Variants in FBRS observed in about 807,000 individuals in gnomAD.
The protein encoded by FBRS is probable fibrosin-1.
FBRS carries 15 observed loss-of-function variants against 86.1 expected under a neutral mutation model. The observed-to-expected ratio is 0.17, with a 90% CI of 0.12 to 0.27. The LOEUF is 0.27. Ranked by LOEUF, FBRS falls within the 10% of genes least tolerant of loss-of-function variation. The pLI, the probability that FBRS is intolerant of heterozygous loss-of-function variation, is 1.00. For missense variants in FBRS, 1,367 were observed against 1,301.6 expected, an observed-to-expected ratio of 1.05 and a Z score of -0.77; for synonymous variants, 666 against 575.8, an observed-to-expected ratio of 1.16 and a Z score of -2.24.
chr16:30,666,953 T>G lies in FBRS; in HGVS notation c.1838T>G (p.Val613Gly). ...PGKWCAMHVR[V>G]AYMILRHQEK... ...AAGTGGTGTGCCATGCACGTGCGTG[T>G]GGCTTACATGATCCTGAGACACCAG... Residue 613 changes from valine (V) to glycine (G), a missense_variant, in exon 13 of 18, where the codon GTG becomes GGG. Transcript: ENST00000356166. 6.2e-7 allele frequency: 1 copy of G among 1,612,496 alleles called. No individual in the cohort carries two copies. The highest frequency in any genetic ancestry group is 2.2e-5 in the East Asian group (1 of 44,844).
rs2052584261 is a variant in FBRS at position 30,670,507 on chromosome 16, C to T, written c.*862C>T. On this transcript the variant is annotated 3_prime_UTR_variant, in exon 18 of 18. Transcript: ENST00000356166. ...CAAGTGCCCCCAGGACTCCTGGGCC[C>T]TGCTTCCCTGAACCCTGTTCTCCAA... is the stretch of plus-strand genomic sequence containing the variant. 9.9e-6 allele frequency: 3 copies of T among 303,774 alleles called. No homozygotes were observed. The highest frequency in any genetic ancestry group is 5.4e-5 in the South Asian group (2 of 37,288). The allele number at this position is 303,774 out of a possible 1,614,324, so 18.8% of individuals were successfully genotyped here. A position where few individuals can be genotyped will look rare whatever the true frequency, so the allele number is the denominator to read the frequency against.
chr16:30,664,423 T>G lies in FBRS; in HGVS notation c.1264T>G (p.Ser422Ala). The change falls in exon 7 of 18, where the codon TCC becomes GCC. Residue 422 changes from serine to alanine, a missense_variant. Around this residue, in one of 3 missense-constraint regions of FBRS, gnomAD observed 702 missense variants for 598.7 expected, o/e 1.17. Transcript: ENST00000356166. Reference protein sequence around the residue: ...LRPPPPPHHPSLFSPGPTLPP... With the variant: ...LRPPPPPHHPALFSPGPTLPP... Reference sequence around the variant, plus strand: ...GCCCCCCCCACCACCCCACCACCCCTCCTTGTTCTCCCCTGGCCCCACCCT... The same window carrying G: ...GCCCCCCCCACCACCCCACCACCCCGCCTTGTTCTCCCCTGGCCCCACCCT... 2.5e-6 allele frequency: 1 copy of G among 393,890 alleles called. No homozygotes were observed. The allele number at this position is 393,890 out of a possible 1,614,324, so 24.4% of individuals were successfully genotyped here.
In FBRS at chr16:30,666,526, C is replaced by T; in HGVS notation, c.1788C>T (p.Phe596=). 6.2e-7 allele frequency: 1 copy of T among 1,614,008 alleles called. No individual in the cohort carries two copies. The highest frequency in any genetic ancestry group is 8.5e-7 in the Non-Finnish European group (1 of 1,179,896). Residue 596 remains phenylalanine, a synonymous_variant, in exon 12 of 18, where the codon TTC becomes TTT. Transcript: ENST00000356166. ...SQKGTQIPDH[F]RPPLRKPGKW... ...GCCATCCCCAGATCCCCGACCATTT[C>T]CGGCCACCTTTGAGGGTGAGTTGTG...
At position 30,666,541 on chromosome 16, in the gene FBRS, G is replaced by A. The variant is rs752890806; in HGVS notation, c.1803G>A (p.Arg601=). The change falls in exon 12 of 18, where the codon AGG becomes AGA. Residue 601 remains arginine, a splice_region_variant and synonymous_variant. Transcript: ENST00000356166. The part of the protein sequence containing the change: ...QIPDHFRPPL[R]KPGKWCAMHV... The stretch of plus-strand genomic sequence containing the variant: ...CCGACCATTTCCGGCCACCTTTGAG[G>A]GTGAGTTGTGTGAGGACCTCAGGCT... 6.2e-7 allele frequency: 1 copy of A among 1,614,014 alleles called. No homozygotes were observed. The highest frequency in any genetic ancestry group is 1.1e-5 in the South Asian group (1 of 91,082).
Position 30,658,534 on chromosome 16 carries a change from G to A in FBRS, c.-985G>A, listed in dbSNP as rs1229874285. 1 of 152,590 alleles carries A rather than the reference G, an allele frequency of 6.6e-6. No individual in the cohort carries two copies. Among genetic ancestry groups the A allele is most frequent in the Non-Finnish European group, 1.5e-5 (1 of 68,276 alleles). The allele number at this position is 152,590 out of a possible 1,614,324, so 9.5% of individuals were successfully genotyped here. A position where few individuals can be genotyped will look rare whatever the true frequency, so the allele number is the denominator to read the frequency against. Reference sequence around the variant, plus strand: ...TCCAAAGGAGACAACAGGAGTTTGTGCTGGAGCTCCCCCGCTGCCCATCGG... The same window carrying A: ...TCCAAAGGAGACAACAGGAGTTTGTACTGGAGCTCCCCCGCTGCCCATCGG... On this transcript the variant is annotated 5_prime_UTR_variant, in exon 1 of 18. Coordinates refer to ENST00000356166, the MANE Select transcript of FBRS (RefSeq NM_001105079.3).
In FBRS at chr16:30,658,923, C is replaced by CAAG. The variant is rs1188491155; in HGVS notation, c.-592_-590dup. The CAAG allele has an allele frequency of 1.3e-5, 2 of 152,236 alleles. No individual in the cohort carries two copies. Among genetic ancestry groups the CAAG allele is most frequent in the African/African-American group, 4.8e-5 (2 of 41,440 alleles). 9.4% of individuals were successfully genotyped at this position (152,236 alleles called of 1,614,324 possible). The stretch of plus-strand genomic sequence containing the variant: ...TCTTTACGTCCTCCTCCCCCACACA[C>CAAG]AAGAAGTCTTTTAAATTCAACTTAA... On this transcript the variant is annotated 5_prime_UTR_variant, in exon 1 of 18. Coordinates refer to ENST00000356166, the MANE Select transcript of FBRS (RefSeq NM_001105079.3).
chr16:30,660,235 T>G (rs986742664), intron 1 of FBRS, 28 bp from the exon 2 acceptor site: 70 of 1,334,500 alleles, frequency 5.2e-5, no homozygotes, highest in Non-Finnish European at 6.4e-5. Flanking sequence ...CTTTTCCATC[T>G]ATCTCAGCCC....
chr16:30,664,440 C>G lies in FBRS; in HGVS notation c.1281C>G (p.Gly427=), dbSNP rs2052497748. 11 of 1,222,296 alleles carry G rather than the reference C, an allele frequency of 9.0e-6. No individual in the cohort carries two copies. Among genetic ancestry groups the G allele is most frequent in the Non-Finnish European group, 1.2e-5 (11 of 924,796 alleles). The allele number at this position is 1,222,296 out of a possible 1,614,324, so 75.7% of individuals were successfully genotyped here. A position where few individuals can be genotyped will look rare whatever the true frequency, so the allele number is the denominator to read the frequency against. The change falls in exon 7 of 18, where the codon GGC becomes GGG. Residue 427 remains glycine, a synonymous_variant. Coordinates refer to ENST00000356166, the MANE Select transcript of FBRS (RefSeq NM_001105079.3). The part of the protein sequence containing the change: ...PPHHPSLFSP[G]PTLPPPPPLL... ...ACCACCCCTCCTTGTTCTCCCCTGGCCCCACCCTGCCCCCACCCCCACCCC... is the reference window on the plus strand; with the variant it reads ...ACCACCCCTCCTTGTTCTCCCCTGGGCCCACCCTGCCCCCACCCCCACCCC...
chr16:30,667,468 G>C, intron 14 of FBRS, 31 bp downstream of exon 14: 4 of 1,521,046 alleles, frequency 2.6e-6, no homozygotes, highest in Non-Finnish European at 3.5e-6. Context: ...CGGGCCTGAG[G>C]TTCCCTGTCT....
In FBRS at chr16:30,660,375, A is replaced by T; in HGVS notation, c.572A>T (p.Asp191Val). The part of the protein sequence containing the change: ...GATGEPGDSS[D>V]REPGRPPGDR... Reference sequence around the variant, plus strand: ...ACCGGGGAGCCAGGGGACAGCTCTGATCGAGAGCCTGGCCGGCCCCCTGGG... The same window carrying T: ...ACCGGGGAGCCAGGGGACAGCTCTGTTCGAGAGCCTGGCCGGCCCCCTGGG... The change falls in exon 2 of 18, where the codon GAT (aspartate) becomes GTT (valine). Residue 191 changes from aspartate (D) to valine (V), a missense_variant. By Grantham distance (152) the Asp-to-Val change is radical. Transcript: ENST00000356166. The T allele has an allele frequency of 7.9e-7, 1 of 1,268,894 alleles. No individual in the cohort carries two copies. Among genetic ancestry groups the T allele is most frequent in the Non-Finnish European group, 1.0e-6 (1 of 997,908 alleles). 78.6% of individuals were successfully genotyped at this position (1,268,894 alleles called of 1,614,324 possible).
chr16:30,661,092 A>AG (rs2052454563), intron 2 of FBRS, 88 bp from the exon 3 acceptor site: 1 of 1,541,820 alleles, frequency 6.5e-7, no homozygotes, highest in African/African-American at 1.4e-5. Context: ...TAGATCCTGG[A>AG]GGCCCATGAG....
At chr16:30,668,735 C>T (rs1212059543) in intron 16 of FBRS, 37 bp from the exon 17 acceptor site, 1 of 1,587,996 alleles carries the variant, frequency 6.3e-7, no homozygotes, top group African/African-American at 1.3e-5. Context: ...CCTCCCACTT[C>T]TGGCCCCTGT....
Position 30,659,632 on chromosome 16 carries a change from T to C in FBRS, c.114T>C (p.Gly38=). The C allele has an allele frequency of 4.7e-6, 2 of 421,294 alleles. No homozygotes were observed. The highest frequency in any genetic ancestry group is 8.2e-6 in the Non-Finnish European group (2 of 244,024). The allele number at this position is 421,294 out of a possible 1,614,324, so 26.1% of individuals were successfully genotyped here. Residue 38 remains glycine (G), a synonymous_variant, in exon 1 of 18, where the codon GGT becomes GGC. Transcript: ENST00000356166. ...ACCGGGAGCAGCGGCGCCGCCGAGG[T>C]CCAGGCGGCGACGCGCCCCGGGCCC... ...DRDREQRRRR[G]PGGDAPRALL... is the part of the protein sequence containing the mutation.
chr16:30,662,368 G>A (rs2052471651), intron 4 of FBRS, 52 bp from the exon 5 acceptor site: 2 of 1,549,020 alleles, frequency 1.3e-6, no homozygotes, highest in Non-Finnish European at 1.7e-6. Flanking sequence ...CTTCCTGGGT[G>A]GAGGCCTGGC....
chr16:30,660,636 T>G (rs2052448583), intron 2 of FBRS, 194 bp downstream of exon 2: 2 of 901,676 alleles, frequency 2.2e-6, no homozygotes, highest in African/African-American at 3.5e-5. Context: ...TCCTTTTGCC[T>G]GGTTCTGTGT....
At position 30,670,617 on chromosome 16, in the gene FBRS, A is replaced by G. The variant is rs755612532; in HGVS notation, c.*972A>G. 39 of 160,402 alleles carry G rather than the reference A, an allele frequency of 2.4e-4. No individual in the cohort carries two copies. The highest frequency in any genetic ancestry group is 4.2e-4 in the Non-Finnish European group (30 of 71,762). The allele number at this position is 160,402 out of a possible 1,614,324, so 9.9% of individuals were successfully genotyped here. Reference sequence around the variant, plus strand: ...GGGGGTCGGCCCAGGGGTGGGCGACACAGGCAGCTTCTTCGGCAGCCTCAC... The same window carrying G: ...GGGGGTCGGCCCAGGGGTGGGCGACGCAGGCAGCTTCTTCGGCAGCCTCAC... On this transcript the variant is annotated 3_prime_UTR_variant, in exon 18 of 18. Coordinates refer to ENST00000356166, the MANE Select transcript of FBRS (RefSeq NM_001105079.3).
Position 30,668,987 on chromosome 16 carries a change from T to TTCCCCCCCCC in FBRS, c.2366+8_2366+9insTCCCCCCCCC. On this transcript the variant is annotated intron_variant, in intron 17 of 17. Coordinates refer to ENST00000356166, the MANE Select transcript of FBRS (RefSeq NM_001105079.3). ...CAAGGAGGAGAAGGACAGGTGTGCC[T>TTCCCCCCCCC]CCCACCCACCCTGCCCCTGCCCCAC... The TTCCCCCCCCC allele has an allele frequency of 2.6e-5, 39 of 1,480,870 alleles. No homozygotes were observed. Among genetic ancestry groups the TTCCCCCCCCC allele is most frequent in the Non-Finnish European group, 3.3e-5 (36 of 1,088,754 alleles). 91.7% of individuals were successfully genotyped at this position (1,480,870 alleles called of 1,614,324 possible).
rs2052537908 is a variant in FBRS at position 30,667,531 on chromosome 16, C to G, written c.1994-11C>G. 3 of 1,529,988 alleles carry G rather than the reference C, an allele frequency of 2.0e-6. No individual in the cohort carries two copies. Among genetic ancestry groups the G allele is most frequent in the Non-Finnish European group, 2.6e-6 (3 of 1,136,274 alleles). The allele number at this position is 1,529,988 out of a possible 1,614,324, so 94.8% of individuals were successfully genotyped here. A position where few individuals can be genotyped will look rare whatever the true frequency, so the allele number is the denominator to read the frequency against. ...TCAGCCTCATCAGAATCTCCCACCT[C>G]TCTGCCCCAGGTGCCGTCCACGCTG... On this transcript the variant is annotated splice_polypyrimidine_tract_variant and intron_variant, in intron 14 of 17. Transcript: ENST00000356166.
In FBRS at chr16:30,659,768, C is replaced by T; in HGVS notation, c.250C>T (p.Pro84Ser). The change falls in exon 1 of 18, where the codon CCC (proline) becomes TCC (serine). Residue 84 changes from proline to serine, a missense_variant. Pro to Ser is a moderately conservative substitution (Grantham distance 74, BLOSUM62 -1). Transcript: ENST00000356166. ...GCCTGGGGGCCCGAGACGCCGGCGG[C>T]CCCGTCCGAGACCTCGACCCCCGCG... ...ERPGGPRRRR[P>S]RPRPRPPRPR... 4.8e-6 allele frequency: 7 copies of T among 1,450,998 alleles called. No individual in the cohort carries two copies. The highest frequency in any genetic ancestry group is 1.3e-5 in the South Asian group (1 of 77,180). 89.9% of individuals were successfully genotyped at this position (1,450,998 alleles called of 1,614,324 possible). A position where few individuals can be genotyped will look rare whatever the true frequency, so the allele number is the denominator to read the frequency against.
Sources: gnomAD v4.1 joint callset for allele counts on GRCh38, gnomAD v4.1.1 for gene constraint, gnomAD v4.1.1 regional missense constraint, MANE v1.5 for transcripts, NCBI Gene and HGNC (gene_info 2026-07-23, HGNC 2026-07-21) for gene names.